PRDM16: variants seen among roughly 807,000 people sequenced by gnomAD.
PRDM16 encodes the protein histone-lysine N-methyltransferase PRDM16.
Under a neutral mutation model 110.6 loss-of-function variants are expected in PRDM16, and 23 were observed. The observed-to-expected ratio is 0.21, with a 90% CI of 0.15 to 0.29. PRDM16 has a LOEUF of 0.29. Among genes scored for constraint, PRDM16 ranks in the 10% least tolerant of loss-of-function variants. PRDM16 has a pLI of 1.00. For synonymous variants in PRDM16, 799 were observed against 781.8 expected, an observed-to-expected ratio of 1.02 and a Z score of -0.37; for missense variants, 1,615 against 1,794.3, an observed-to-expected ratio of 0.90 and a Z score of 1.81.
At chr1:3,362,639 G>T (rs1041840361) in intron 3 of PRDM16, among the ~76,000 whole-genome samples, 1 of 152,162 alleles carries the variant, frequency 6.6e-6, no homozygotes, top group South Asian at 2.1e-4. Flanking sequence ...CTAAAGAGTA[G>T]GAGTCATCAG....
At chr1:3,414,492 T>G in intron 9 of PRDM16, 68 bp from the exon 10 acceptor site, 2 of 1,267,784 alleles carry the variant, frequency 1.6e-6, no homozygotes, top group Admixed American at 3.7e-5. Context: ...TGGGCGGCTC[T>G]GTGGAGCGGG....
At position 3,290,259 on chromosome 1, in the gene PRDM16, G is replaced by A. The variant is rs886090919; in HGVS notation, c.438+46122G>A. ...GAAGTAGACATGGGAAGGAAGGAGC[G>A]ACGGGGTGGGAGGGATCTGCCTGCC... On this transcript the variant is annotated intron_variant, in intron 3 of 16. Transcript: ENST00000270722. The surrounding 1 kb of genome is among the most constrained non-coding windows in gnomAD (Gnocchi z 4.8). Among the ~76,000 whole-genome samples the A allele has an allele frequency of 1.6e-4, 24 of 152,210 alleles. No individual in the cohort carries two copies. The highest frequency in any genetic ancestry group is 5.1e-4 in the African/African-American group (21 of 41,454).
At position 3,438,234 on chromosome 1, in the gene PRDM16, G is replaced by A. The variant is rs1444372945; in HGVS notation, c.*4423G>A. 4.9e-6 allele frequency: 1 copy of A among 202,228 alleles called. No homozygotes were observed. The highest frequency in any genetic ancestry group is 2.3e-5 in the African/African-American group (1 of 43,526). 12.5% of individuals were successfully genotyped at this position (202,228 alleles called of 1,614,324 possible). On this transcript the variant is annotated 3_prime_UTR_variant, in exon 17 of 17. Coordinates refer to ENST00000270722, the MANE Select transcript of PRDM16 (RefSeq NM_022114.4). ...CTGCTTAGCGGTCATTATCGTGTCT[G>A]TTGGTGAAATTTTTATTAAAAGGAA...
At chr1:3,120,578 A>C (rs1179125612) in intron 1 of PRDM16, among the ~76,000 whole-genome samples, 1 of 152,144 alleles carries the variant, frequency 6.6e-6, no homozygotes, top group Admixed American at 6.5e-5. Flanking sequence ...GCCAGAAAGG[A>C]ACTCGGGAGA....
In PRDM16 at chr1:3,265,088, A is replaced by T. The variant is rs1640256418; in HGVS notation, c.438+20951A>T. ...ACCCAGGGCCCAGGAGGGAGGGGAG[A>T]CCAGCAGGGAGGCGGGAGGCAGCCC... On this transcript the variant is annotated intron_variant, in intron 3 of 16. Coordinates refer to ENST00000270722, the MANE Select transcript of PRDM16 (RefSeq NM_022114.4). The surrounding 1 kb of genome is among the most constrained non-coding windows in gnomAD (Gnocchi z 4.5). Among the ~76,000 whole-genome samples the T allele has an allele frequency of 1.3e-5, 2 of 151,890 alleles. No homozygotes were observed. The highest frequency in any genetic ancestry group is 4.8e-5 in the African/African-American group (2 of 41,336).
At chr1:3,292,599 G>A (rs1400248173) in intron 3 of PRDM16, among the ~76,000 whole-genome samples, 1 of 152,166 alleles carries the variant, frequency 6.6e-6, no homozygotes, top group Non-Finnish European at 1.5e-5. Context: ...GACGAGAGTG[G>A]CTTGTCCAGA....
chr1:3,326,048 C>T lies in PRDM16; in HGVS notation c.439-59104C>T, dbSNP rs1482180750. Among the ~76,000 whole-genome samples, 14 of 54,732 alleles carry T rather than the reference C, an allele frequency of 2.6e-4. No individual in the cohort carries two copies. In the East Asian group the frequency reaches 3.2e-3, roughly 12 times the overall value. The allele number at this position is 54,732 out of a possible 152,430, so 35.9% of individuals were successfully genotyped here. On this transcript the variant is annotated intron_variant, in intron 3 of 16. Coordinates refer to ENST00000270722, the MANE Select transcript of PRDM16 (RefSeq NM_022114.4). Reference sequence around the variant, plus strand: ...TTGGCCCTCCTTGGCCATCCTCGGCCCTCTTGGCCCCCCTTGGCCATCCTC... The same window carrying T: ...TTGGCCCTCCTTGGCCATCCTCGGCTCTCTTGGCCCCCCTTGGCCATCCTC...
intron 3 of PRDM16, among the ~76,000 whole-genome samples, chr1:3,295,132 C>T (rs1557588114): frequency 1.3e-5 from 2 of 152,208 alleles, no homozygotes; most frequent in African/African-American, 2.4e-5. Flanking sequence ...GTGGCCAGCC[C>T]GTCTGTACAT....
At chr1:3,212,618 A>ATCCTCCTGGCCCCCTCGCTGC (rs1638915910) in intron 2 of PRDM16, among the ~76,000 whole-genome samples, 2 of 122,544 alleles carry the variant, frequency 1.6e-5, no homozygotes, top group Admixed American at 7.9e-5. Context: ...CCCCTCGCTG[A>ATCCTCCTGGCCCCCTCGCTGC]GGTCCTCCCG....
chr1:3,434,581 CGCCCTGGGCTGCAG>C lies in PRDM16; in HGVS notation c.*774_*787del, dbSNP rs1007726811. The C allele has an allele frequency of 4.3e-6, 1 of 231,962 alleles. No homozygotes were observed. Among genetic ancestry groups the C allele is most frequent in the African/African-American group, 2.2e-5 (1 of 45,270 alleles). 14.4% of individuals were successfully genotyped at this position (231,962 alleles called of 1,614,324 possible). ...ACGGCCGAAGAAGTCTTAGGCAGGGCGCCCTGGGCTGCAGGCCTGCCCGAGGCTGGGATGGGAAG... is the reference window on the plus strand; with the variant it reads ...ACGGCCGAAGAAGTCTTAGGCAGGGCGCCTGCCCGAGGCTGGGATGGGAAG... On this transcript the variant is annotated 3_prime_UTR_variant, in exon 17 of 17. Transcript: ENST00000270722.
intron 3 of PRDM16, among the ~76,000 whole-genome samples, chr1:3,279,021 C>G (rs1331867321): frequency 6.6e-6 from 1 of 152,208 alleles, no homozygotes; most frequent in Admixed American, 6.5e-5. Flanking sequence ...GCCCTGTCCA[C>G]CTTTGGGGCA....
intron 3 of PRDM16, among the ~76,000 whole-genome samples, chr1:3,263,415 C>G (rs1342495966): frequency 6.6e-6 from 1 of 152,244 alleles, no homozygotes; most frequent in Non-Finnish European, 1.5e-5. Flanking sequence ...GATGAGACCA[C>G]CTGTTGGTGG....
At chr1:3,076,668 G>A (rs1641908270) in intron 1 of PRDM16, among the ~76,000 whole-genome samples, 1 of 152,210 alleles carries the variant, frequency 6.6e-6, no homozygotes, top group East Asian at 1.9e-4. Context: ...CTTAGCTGGA[G>A]GCCAGGGGCC....
chr1:3,349,485 C>G (rs1269494226), intron 3 of PRDM16, among the ~76,000 whole-genome samples: 1 of 152,236 alleles, frequency 6.6e-6, no homozygotes, highest in East Asian at 1.9e-4. Flanking sequence ...CCAGTCGGCG[C>G]AGCCACTGGG....
intron 1 of PRDM16, among the ~76,000 whole-genome samples, chr1:3,141,186 C>T (rs79569864): frequency 0.011 from 1,635 of 152,262 alleles, 23 homozygotes; most frequent in East Asian, 0.072. Context: ...TCCGTCCGCC[C>T]GCTTCTCATC....
chr1:3,271,818 C>T (rs192862234), intron 3 of PRDM16, among the ~76,000 whole-genome samples: 25 of 152,292 alleles, frequency 1.6e-4, no homozygotes, highest in African/African-American at 5.3e-4. Context: ...AGCAGCAGGC[C>T]GCGGAGTCCT....
At chr1:3,313,292 C>T (rs1037302812) in intron 3 of PRDM16, among the ~76,000 whole-genome samples, 6 of 152,256 alleles carry the variant, frequency 3.9e-5, no homozygotes, top group African/African-American at 7.2e-5. Flanking sequence ...CCCCACTCGC[C>T]GTCACGATGA....
chr1:3,409,806 T>TGTGTGTGC, intron 8 of PRDM16, among the ~76,000 whole-genome samples: 1 of 100,604 alleles, frequency 9.9e-6, no homozygotes. Flanking sequence ...GTGTGTGGTG[T>TGTGTGTGC]ATGTGTGCAT....
intron 3 of PRDM16, among the ~76,000 whole-genome samples, chr1:3,354,522 TG>T (rs1642556205): frequency 6.6e-6 from 1 of 151,336 alleles, no homozygotes; most frequent in African/African-American, 2.4e-5. Context: ...CTGCATTCCT[TG>T]GGGTCATCCA....
Sources: allele counts gnomAD v4.1 joint callset (sites outside exome capture counted in the v4.1 genomes callset), GRCh38; gene constraint gnomAD v4.1.1; non-coding constraint Gnocchi (gnomAD v3.1); transcripts MANE v1.5; gene names NCBI Gene and HGNC (gene_info 2026-07-23, HGNC 2026-07-21).